Variants in PSMD2 observed in about 807,000 individuals in gnomAD.
PSMD2 encodes proteasome 26S subunit ubiquitin receptor, non-ATPase 2.
Under a neutral mutation model 101.5 loss-of-function variants are expected in PSMD2, and 8 were observed. The observed-to-expected ratio is 0.08, with a 90% CI of 0.05 to 0.14. The LOEUF is 0.14. Ranked by LOEUF, PSMD2 falls within the 10% of genes least tolerant of loss-of-function variation. The pLI is 1.00. For synonymous variants in PSMD2, 418 were observed against 433.8 expected (o/e 0.96, Z 0.45); for missense variants, 784 against 1,147.4 (o/e 0.68, Z 4.58).
chr3:184,300,572 A>G, intron 3 of PSMD2, 128 bp downstream of exon 3: 2 of 1,449,124 alleles, frequency 1.4e-6, no homozygotes, highest in Non-Finnish European at 1.8e-6. Flanking sequence ...AGCAGAGTTC[A>G]TCACAGTCAA....
intron 10 of PSMD2, 33 bp from the exon 11 acceptor site, chr3:184,303,914 A>G: frequency 6.2e-7 from 1 of 1,614,224 alleles, no homozygotes; most frequent in Non-Finnish European, 8.5e-7. Context: ...AAGATAGAGT[A>G]TCCTGAGTGA....
chr3:184,300,323 G>A lies in PSMD2; in HGVS notation c.236G>A (p.Arg79Gln), dbSNP rs1721601315. 1.9e-6 allele frequency: 3 copies of A among 1,613,804 alleles called. No homozygotes were observed. Among genetic ancestry groups the A allele is most frequent in the African/African-American group, 1.3e-5 (1 of 74,926 alleles). ...TATCGACCAGCGCTGGAGGAATTGC[G>A]AAGGCAGATTCGTTCTTCTACAACT... ...SLYRPALEEL[R>Q]RQIRSSTTSM... Residue 79 changes from arginine to glutamine, a missense_variant, in exon 3 of 21, where the codon CGA (arginine) becomes CAA (glutamine). Transcript: ENST00000310118.
chr3:184,305,742 T>C, intron 12 of PSMD2, 26 bp from the exon 13 acceptor site: 1 of 1,605,820 alleles, frequency 6.2e-7, no homozygotes. Context: ...ACTTACTCTG[T>C]GTAATACTGA....
At position 184,299,251 on chromosome 3, in the gene PSMD2, G is replaced by C. The variant is rs1415955694; in HGVS notation, c.-16G>C. On this transcript the variant is annotated 5_prime_UTR_variant, in exon 1 of 21. Coordinates refer to ENST00000310118, the MANE Select transcript of PSMD2 (RefSeq NM_002808.5). Reference sequence around the variant, plus strand: ...CGAGCGGGTGCGCGCGCAGCGGGCCGGCAGTGGCGGCGGAGATGGAGGAGG... The same window carrying C: ...CGAGCGGGTGCGCGCGCAGCGGGCCCGCAGTGGCGGCGGAGATGGAGGAGG... 14 of 1,326,808 alleles carry C rather than the reference G, an allele frequency of 1.1e-5. No individual in the cohort carries two copies. Among genetic ancestry groups the C allele is most frequent in the African/African-American group, 1.5e-5 (1 of 65,196 alleles). 82.2% of individuals were successfully genotyped at this position (1,326,808 alleles called of 1,614,324 possible).
chr3:184,300,719 A>C, intron 3 of PSMD2: 1 of 1,056,468 alleles, frequency 9.5e-7, no homozygotes, highest in African/African-American at 1.7e-5. Context: ...CTTTTCTTCT[A>C]TCCCATATAC....
At position 184,304,119 on chromosome 3, in the gene PSMD2, C is replaced by T. The variant is rs1262250527; in HGVS notation, c.1451+45C>T. ...TTTCTGGTAGTGCTCAGCCTGTACACTCTGGAGAACAGGAACTGGGCCCTT... is the reference window on the plus strand; with the variant it reads ...TTTCTGGTAGTGCTCAGCCTGTACATTCTGGAGAACAGGAACTGGGCCCTT... On this transcript the variant is annotated intron_variant, in intron 11 of 20. Transcript: ENST00000310118. This position sits in a 1 kb window ranked among gnomAD's most constrained non-coding sequence, Gnocchi z 4.1. 2.5e-6 allele frequency: 4 copies of T among 1,610,594 alleles called. No individual in the cohort carries two copies. The highest frequency in any genetic ancestry group is 1.7e-5 in the Admixed American group (1 of 60,030).
Position 184,304,881 on chromosome 3 carries a change from C to A in PSMD2, c.1539+490C>A, listed in dbSNP as rs1721777704. Among the ~76,000 whole-genome samples the A allele has an allele frequency of 6.6e-6, 1 of 151,884 alleles. No homozygotes were observed. Among genetic ancestry groups the A allele is most frequent in the Non-Finnish European group, 1.5e-5 (1 of 67,994 alleles). Reference sequence around the variant, plus strand: ...CTCCAGTCTGGGTTACAGAGTGAGACCCTGTCTTTAAAAGAAAAAAAAAAT... The same window carrying A: ...CTCCAGTCTGGGTTACAGAGTGAGAACCTGTCTTTAAAAGAAAAAAAAAAT... On this transcript the variant is annotated intron_variant, in intron 12 of 20. Coordinates refer to ENST00000310118, the MANE Select transcript of PSMD2 (RefSeq NM_002808.5). The surrounding 1 kb of genome is among the most constrained non-coding windows in gnomAD (Gnocchi z 4.1).
Position 184,307,847 on chromosome 3 carries a change from T to C in PSMD2, c.2299-43T>C, listed in dbSNP as rs921173156. The C allele has an allele frequency of 2.5e-6, 4 of 1,613,414 alleles. No individual in the cohort carries two copies. The African/African-American group carries it at 5.3e-5, about 22-fold the overall frequency. On this transcript the variant is annotated intron_variant, in intron 18 of 20. Transcript: ENST00000310118. ...TTTGGCTGGGTTAGGCGATGTCTCC[T>C]CAGTGGTAACTCCTCACCTCTACTT...
In PSMD2 at chr3:184,305,942, T is replaced by C; in HGVS notation, c.1702+12T>C. The C allele has an allele frequency of 6.2e-7, 1 of 1,614,020 alleles. No homozygotes were observed. The highest frequency in any genetic ancestry group is 8.5e-7 in the Non-Finnish European group (1 of 1,179,894). ...TCTCAACCACCTGGGTGAGGGGATGTTTCTATTTGGGCAAAGAGCTGACAG... is the reference window on the plus strand; with the variant it reads ...TCTCAACCACCTGGGTGAGGGGATGCTTCTATTTGGGCAAAGAGCTGACAG... On this transcript the variant is annotated intron_variant, in intron 13 of 20. Coordinates refer to ENST00000310118, the MANE Select transcript of PSMD2 (RefSeq NM_002808.5).
Position 184,308,411 on chromosome 3 carries a change from T to C in PSMD2, c.2426-38T>C. 2.0e-6 allele frequency: 3 copies of C among 1,527,262 alleles called. No homozygotes were observed. Among genetic ancestry groups the C allele is most frequent in the Non-Finnish European group, 2.7e-6 (3 of 1,114,228 alleles). 94.6% of individuals were successfully genotyped at this position (1,527,262 alleles called of 1,614,324 possible). A position where few individuals can be genotyped will look rare whatever the true frequency, so the allele number is the denominator to read the frequency against. ...CAATGTTTCTGGCCAGGCCTGTCTTTTTGTCTCTTAACTTTTTGTCCTGTC... is the reference window on the plus strand; with the variant it reads ...CAATGTTTCTGGCCAGGCCTGTCTTCTTGTCTCTTAACTTTTTGTCCTGTC... On this transcript the variant is annotated intron_variant, in intron 19 of 20. Transcript: ENST00000310118. The surrounding 1 kb of genome is among the most constrained non-coding windows in gnomAD (Gnocchi z 6.0).
At position 184,299,395 on chromosome 3, in the gene PSMD2, G is replaced by T; in HGVS notation, c.129G>T (p.Gln43His). The T allele has an allele frequency of 7.3e-7, 1 of 1,375,960 alleles. No homozygotes were observed. Among genetic ancestry groups the T allele is most frequent in the Non-Finnish European group, 9.4e-7 (1 of 1,066,234 alleles). 85.2% of individuals were successfully genotyped at this position (1,375,960 alleles called of 1,614,324 possible). Residue 43 changes from glutamine (Q) to histidine (H), a missense_variant, in exon 1 of 21, where the codon CAG becomes CAT. Physicochemically the swap from Gln to His is conservative, Grantham distance 24. Coordinates refer to ENST00000310118, the MANE Select transcript of PSMD2 (RefSeq NM_002808.5). ...ATGCCGGGGACAAGGACAAAGAACA[G>T]GAGCTGGTGAGGCGCGACCCCGAGA... The part of the protein sequence containing the change: ...RRDAGDKDKE[Q>H]ELSEEDKQLQ...
At chr3:184,307,732 G>A (rs1721881751) in intron 18 of PSMD2, 24 bp downstream of exon 18, 1 of 1,611,334 alleles carries the variant, frequency 6.2e-7, no homozygotes, top group Admixed American at 1.7e-5. Flanking sequence ...CTCCTCCACA[G>A]AGCGTGCCGG....
At chr3:184,300,516 T>C (rs572109283) in intron 3 of PSMD2, 72 bp downstream of exon 3, 7 of 1,543,996 alleles carry the variant, frequency 4.5e-6, no homozygotes, top group East Asian at 4.5e-5. Context: ...GGGGGACTCA[T>C]TGTGAGTCAC....
intron 3 of PSMD2, 41 bp from the exon 4 acceptor site, chr3:184,301,496 G>A (rs1721641767): frequency 6.2e-7 from 1 of 1,610,626 alleles, no homozygotes; most frequent in Non-Finnish European, 8.5e-7. Flanking sequence ...CCTTTATGCT[G>A]GACTGCTGGG....
Position 184,301,538 on chromosome 3 carries a change from G to A in PSMD2, c.359G>A (p.Arg120His), listed in dbSNP as rs148261898. The change falls in exon 4 of 21, where the codon CGT becomes CAT. Residue 120 changes from arginine to histidine, a missense_variant and splice_region_variant. Around this residue, in one of 6 missense-constraint regions of PSMD2, gnomAD observed 196 missense variants for 182.4 expected, o/e 1.07. Coordinates refer to ENST00000310118, the MANE Select transcript of PSMD2 (RefSeq NM_002808.5). ...TTCAAAGAACTCTTTTCTTTATAGC[G>A]TTTTGCTGCTGACATCATCTCCGTT... ...YENMAPGENK[R>H]FAADIISVLA... 6.6e-5 allele frequency: 106 copies of A among 1,613,560 alleles called. No homozygotes were observed. The African/African-American group carries it at 1.1e-3, about 17-fold the overall frequency.
rs1318131349 is a variant in PSMD2 at position 184,302,665 on chromosome 3, G to A, written c.864-14G>A. The A allele has an allele frequency of 6.2e-7, 1 of 1,614,042 alleles. No individual in the cohort carries two copies. The highest frequency in any genetic ancestry group is 1.1e-5 in the South Asian group (1 of 91,082). ...GTGGACAGTGATGAGCAGATGTACG[G>A]GCTCTCTCCACAGGGTAGTACAGAA... is the stretch of plus-strand genomic sequence containing the variant. On this transcript the variant is annotated splice_polypyrimidine_tract_variant and intron_variant, in intron 6 of 20. Transcript: ENST00000310118.
At position 184,308,108 on chromosome 3, in the gene PSMD2, C is replaced by A; in HGVS notation, c.2425+92C>A. The stretch of plus-strand genomic sequence containing the variant: ...CTTTGATAATTTAGGTTCAAGACCC[C>A]AGTTTAGCTCTGTATCGCTCTAGGT... On this transcript the variant is annotated intron_variant, in intron 19 of 20. Transcript: ENST00000310118. The surrounding 1 kb of genome is among the most constrained non-coding windows in gnomAD (Gnocchi z 6.0). 6.7e-7 allele frequency: 1 copy of A among 1,503,514 alleles called. No homozygotes were observed. Among genetic ancestry groups the A allele is most frequent in the East Asian group, 2.3e-5 (1 of 43,816 alleles). The allele number at this position is 1,503,514 out of a possible 1,614,324, so 93.1% of individuals were successfully genotyped here. A position where few individuals can be genotyped will look rare whatever the true frequency, so the allele number is the denominator to read the frequency against.
chr3:184,300,181 C>T, intron 2 of PSMD2, 99 bp from the exon 3 acceptor site: 1 of 1,252,130 alleles, frequency 8.0e-7, no homozygotes, highest in Non-Finnish European at 1.1e-6. Flanking sequence ...GAATAAGACA[C>T]AGCATTTCCT....
chr3:184,303,942 T>C lies in PSMD2; in HGVS notation c.1324-5T>C. ...CTGAGTGAAGAATCTGTTTGCTCTT[T>C]GTAGTCAGGAGCTCTTCTTGCCTGT... On this transcript the variant is annotated splice_region_variant and splice_polypyrimidine_tract_variant and intron_variant, in intron 10 of 20. Coordinates refer to ENST00000310118, the MANE Select transcript of PSMD2 (RefSeq NM_002808.5). 6.2e-7 allele frequency: 1 copy of C among 1,614,268 alleles called. No homozygotes were observed. Among genetic ancestry groups the C allele is most frequent in the Non-Finnish European group, 8.5e-7 (1 of 1,180,052 alleles).
Sources: allele counts gnomAD v4.1 joint callset (sites outside exome capture counted in the v4.1 genomes callset), GRCh38; gene constraint gnomAD v4.1.1; regional missense constraint gnomAD v4.1.1; non-coding constraint Gnocchi (gnomAD v3.1); transcripts MANE v1.5; gene names NCBI Gene and HGNC (gene_info 2026-07-23, HGNC 2026-07-21).